BAZ1A: variants seen among roughly 807,000 people sequenced by gnomAD.
BAZ1A encodes bromodomain adjacent to zinc finger domain protein 1A.
BAZ1A carries 50 observed loss-of-function variants against 185.2 expected under a neutral mutation model. The ratio of observed to expected loss-of-function variants is 0.27; its 90% confidence interval spans 0.22 to 0.34. The LOEUF (loss-of-function observed/expected upper bound fraction) is 0.34, where lower values mean the gene tolerates loss of function less well. Among genes scored for constraint, BAZ1A ranks in the 10% least tolerant of loss-of-function variants. The pLI, the probability that BAZ1A is intolerant of heterozygous loss-of-function variation, is 1.00. For synonymous variants in BAZ1A, 571 were observed against 615.6 expected (o/e 0.93, Z 1.07); for missense variants, 1,356 against 1,839.9 (o/e 0.74, Z 4.81).
intron 9 of BAZ1A, among the ~76,000 whole-genome samples, 165 bp from the exon 10 acceptor site, chr14:34,795,930 C>T (rs1356991977): frequency 1.3e-5 from 2 of 152,054 alleles, no homozygotes; most frequent in African/African-American, 4.8e-5. Flanking sequence ...CTAGCAAGCC[C>T]TTCTGGTGGT....
intron 2 of BAZ1A, among the ~76,000 whole-genome samples, chr14:34,868,989 G>A (rs1321792074): frequency 1.4e-5 from 2 of 147,650 alleles, no homozygotes; most frequent in African/African-American, 2.5e-5. Flanking sequence ...ATATATACTC[G>A]ATCTCGGGAG....
intron 2 of BAZ1A, among the ~76,000 whole-genome samples, chr14:34,865,842 A>G (rs2042849407): frequency 6.6e-6 from 1 of 152,212 alleles, no homozygotes. Flanking sequence ...AGAAGGTAAA[A>G]AAAGATTTTT....
chr14:34,859,719 C>A (rs2042738354), intron 3 of BAZ1A, among the ~76,000 whole-genome samples: 2 of 152,208 alleles, frequency 1.3e-5, no homozygotes, highest in East Asian at 1.9e-4. Context: ...ACTATTCTTA[C>A]CTTACTTACT....
Position 34,801,019 on chromosome 14 carries a change from A to G in BAZ1A, c.961+75T>C, listed in dbSNP as rs181285348. On this transcript the variant is annotated intron_variant, in intron 8 of 26. Transcript: ENST00000360310. ...TAACCAGAAACATGCCATTTCGGAAACATCCCCCACTCAGGCACAGAGAAA... is the reference window on the plus strand; with the variant it reads ...TAACCAGAAACATGCCATTTCGGAAGCATCCCCCACTCAGGCACAGAGAAA... The G allele has an allele frequency of 1.3e-4, 136 of 1,041,234 alleles. No individual in the cohort carries two copies. The African/African-American group carries it at 2.0e-3, about 15-fold the overall frequency. 64.5% of individuals were successfully genotyped at this position (1,041,234 alleles called of 1,614,324 possible).
rs1162371434 is a variant in BAZ1A at position 34,783,891 on chromosome 14, T to C, written c.1868A>G (p.Lys623Arg). 1 of 1,610,882 alleles carries C rather than the reference T, an allele frequency of 6.2e-7. No individual in the cohort carries two copies. The highest frequency in any genetic ancestry group is 8.5e-7 in the Non-Finnish European group (1 of 1,179,100). Residue 623 changes from lysine to arginine, a missense_variant, in exon 15 of 27, where the codon AAG becomes AGG. Transcript: ENST00000360310. ...CCTAGTTGAAACTAGGGTCAGTAGC[T>C]TTCCACAGAGAGCATGGAGTATCTT... ...KMKILHALCG[K>R]LLTLVSTRDF...
intron 17 of BAZ1A, 94 bp downstream of exon 17, chr14:34,780,092 G>T: frequency 6.7e-7 from 1 of 1,490,074 alleles, no homozygotes; most frequent in Non-Finnish European, 9.1e-7. Flanking sequence ...ACAAATGAAA[G>T]CAATCAATAT....
intron 7 of BAZ1A, among the ~76,000 whole-genome samples, chr14:34,802,335 G>A (rs1352814797): frequency 1.3e-5 from 2 of 152,056 alleles, no homozygotes; most frequent in Non-Finnish European, 2.9e-5. Context: ...TGCCTCCCGG[G>A]TTTGAGCAAT....
intron 19 of BAZ1A, among the ~76,000 whole-genome samples, chr14:34,774,107 AG>A (rs773138151): frequency 3.9e-5 from 6 of 152,252 alleles, no homozygotes; most frequent in Non-Finnish European, 5.9e-5. Context: ...GGGCTAGTCA[AG>A]GAAGAAGAAA....
chr14:34,863,227 C>T (rs2042801388), intron 2 of BAZ1A, among the ~76,000 whole-genome samples: 2 of 132,050 alleles, frequency 1.5e-5, no homozygotes, highest in East Asian at 2.3e-4. Context: ...TGCAATGGCG[C>T]GATCTCGGCT....
intron 1 of BAZ1A, 38 bp downstream of exon 1, chr14:34,875,100 T>G (rs921411406): frequency 1.1e-5 from 4 of 362,380 alleles, no homozygotes; most frequent in Admixed American, 3.6e-5. Context: ...CGCCTCCACT[T>G]CCCCGCCGGC....
At chr14:34,858,296 T>C (rs1212060366) in intron 3 of BAZ1A, among the ~76,000 whole-genome samples, 8 of 152,148 alleles carry the variant, frequency 5.3e-5, no homozygotes, top group Non-Finnish European at 1.0e-4. Context: ...CGTGCTTTGT[T>C]GCCCAGACTG....
At chr14:34,755,054 T>C in intron 25 of BAZ1A, 140 bp from the exon 26 acceptor site, 1 of 557,714 alleles carries the variant, frequency 1.8e-6, no homozygotes, top group Non-Finnish European at 3.2e-6. Flanking sequence ...CTCCTCTCTA[T>C]ATAGATATAT....
chr14:34,769,632 A>G (rs1566550386), intron 21 of BAZ1A, among the ~76,000 whole-genome samples: 1 of 152,212 alleles, frequency 6.6e-6, no homozygotes, highest in Non-Finnish European at 1.5e-5. Flanking sequence ...AACTTAAAAA[A>G]ACTTTAATGA....
At chr14:34,828,644 A>C (rs1377131779) in intron 3 of BAZ1A, 2 of 152,204 alleles carry the variant, frequency 1.3e-5, no homozygotes, top group Non-Finnish European at 2.9e-5. Flanking sequence ...CTGATGTCAG[A>C]AGGGTTCTCT....
At chr14:34,811,205 T>A (rs2138677816) in intron 4 of BAZ1A, among the ~76,000 whole-genome samples, 169 bp from the exon 5 acceptor site, 1 of 152,148 alleles carries the variant, frequency 6.6e-6, no homozygotes, top group East Asian at 1.9e-4. Flanking sequence ...AATGCAATGG[T>A]GCAGTCTCAG....
intron 3 of BAZ1A, among the ~76,000 whole-genome samples, chr14:34,844,783 A>ACACACG (rs913818316): frequency 3.7e-5 from 1 of 27,014 alleles, no homozygotes; most frequent in Non-Finnish European, 1.0e-4. Context: ...ACGCGCACAC[A>ACACACG]CACACACACA....
rs555844514 is a variant in BAZ1A at position 34,822,454 on chromosome 14, T to C, written c.536+3559A>G. On this transcript the variant is annotated intron_variant, in intron 4 of 26. Transcript: ENST00000360310. The stretch of plus-strand genomic sequence containing the variant: ...GCCTGAGCAACATGATGAAACTCCA[T>C]CTGTACAAAAAATACAGAAAATTAG... Among the ~76,000 whole-genome samples, 586 of 152,170 alleles carry C rather than the reference T, an allele frequency of 3.9e-3. 4 individuals carry two copies. The highest frequency in any genetic ancestry group is 0.014 in the African/African-American group (572 of 41,522).
intron 3 of BAZ1A, among the ~76,000 whole-genome samples, chr14:34,850,258 G>C (rs1238178055): frequency 6.6e-6 from 1 of 152,078 alleles, no homozygotes; most frequent in African/African-American, 2.4e-5. Context: ...TGGGCCTGTA[G>C]TCCCAGCTAC....
At chr14:34,762,353 A>G in intron 23 of BAZ1A, 130 bp from the exon 24 acceptor site, 1 of 780,546 alleles carries the variant, frequency 1.3e-6, no homozygotes, top group East Asian at 2.7e-5. Flanking sequence ...CTTATCCTAG[A>G]CTCAATTCCT....
Sources: gnomAD v4.1 joint callset for allele counts (sites outside exome capture counted in the v4.1 genomes callset) on GRCh38, gnomAD v4.1.1 for gene constraint, MANE v1.5 for transcripts, NCBI Gene and HGNC (gene_info 2026-07-23, HGNC 2026-07-21) for gene names.